KCNK10: variants seen among roughly 807,000 people sequenced by gnomAD.
KCNK10 encodes potassium two pore domain channel subfamily K member 10, also known as potassium channel subfamily K member 10.
Under a neutral mutation model 47.7 loss-of-function variants are expected in KCNK10, and 25 were observed. The observed-to-expected ratio is 0.52, with a 90% CI of 0.38 to 0.73. The LOEUF (loss-of-function observed/expected upper bound fraction) is 0.73, where lower values mean the gene tolerates loss of function less well. KCNK10 is among the 30% of genes least tolerant of loss of function. The pLI, the probability that KCNK10 is intolerant of heterozygous loss-of-function variation, is 0.00. For missense variants in KCNK10, 563 were observed against 714.5 expected, an observed-to-expected ratio of 0.79 and a Z score of 2.42; for synonymous variants, 303 against 285.6, an observed-to-expected ratio of 1.06 and a Z score of -0.61.
chr14:88,283,505 C>T (rs1487997339), intron 1 of KCNK10, among the ~76,000 whole-genome samples: 1 of 152,132 alleles, frequency 6.6e-6, no homozygotes, highest in Non-Finnish European at 1.5e-5. Context: ...CTAAAAATAT[C>T]CAACAGCAAT....
intron 3 of KCNK10, among the ~76,000 whole-genome samples, chr14:88,239,586 C>A (rs915067333): frequency 2.6e-5 from 4 of 152,140 alleles, no homozygotes; most frequent in African/African-American, 4.8e-5. Context: ...AGGCCAGGTG[C>A]GGTGGCTCAC....
chr14:88,231,093 T>A (rs1295086936), intron 3 of KCNK10, among the ~76,000 whole-genome samples: 1 of 151,900 alleles, frequency 6.6e-6, no homozygotes, highest in East Asian at 1.9e-4. Flanking sequence ...TGAACAATAT[T>A]GTGAGCCCTT....
At chr14:88,244,677 A>AG in intron 2 of KCNK10, among the ~76,000 whole-genome samples, 1 of 152,304 alleles carries the variant, frequency 6.6e-6, no homozygotes, top group East Asian at 1.9e-4. Context: ...CAAAAAAAAA[A>AG]AGAAAAAATT....
At chr14:88,259,331 A>G (rs1396434098) in intron 2 of KCNK10, among the ~76,000 whole-genome samples, 1 of 152,244 alleles carries the variant, frequency 6.6e-6, no homozygotes, top group East Asian at 1.9e-4. Context: ...AAGACTGTAG[A>G]TAAACACAAG....
intron 1 of KCNK10, among the ~76,000 whole-genome samples, chr14:88,296,824 A>G (rs1016623599): frequency 6.6e-6 from 1 of 152,244 alleles, no homozygotes; most frequent in Non-Finnish European, 1.5e-5. Context: ...GTGAACTCCA[A>G]ATAGGACCAT....
chr14:88,304,222 G>A (rs1888163148), intron 1 of KCNK10, among the ~76,000 whole-genome samples: 1 of 152,020 alleles, frequency 6.6e-6, no homozygotes, highest in Admixed American at 6.5e-5. Flanking sequence ...GGCTGGGGCG[G>A]GAGGATCACT....
chr14:88,229,228 T>G (rs1886082559), intron 3 of KCNK10, among the ~76,000 whole-genome samples: 1 of 152,120 alleles, frequency 6.6e-6, no homozygotes, highest in Non-Finnish European at 1.5e-5. Flanking sequence ...TCCTGACAAG[T>G]GCTACACCCC....
At chr14:88,300,381 A>G (rs1161291040) in intron 1 of KCNK10, among the ~76,000 whole-genome samples, 1 of 152,220 alleles carries the variant, frequency 6.6e-6, no homozygotes, top group Admixed American at 6.5e-5. Context: ...TGTATGTTTC[A>G]TCACTCCAAT....
chr14:88,314,116 C>T (rs1888380926), intron 1 of KCNK10, among the ~76,000 whole-genome samples: 1 of 152,204 alleles, frequency 6.6e-6, no homozygotes, highest in Non-Finnish European at 1.5e-5. Context: ...TGGCCAAGTT[C>T]ACACAGTGTT....
chr14:88,269,757 C>T (rs1032470827), intron 1 of KCNK10, among the ~76,000 whole-genome samples: 36 of 152,212 alleles, frequency 2.4e-4, no homozygotes, highest in African/African-American at 7.9e-4. Flanking sequence ...TTTTTATCTT[C>T]GCCAAACCTT....
chr14:88,203,579 T>C (rs1885170990), intron 4 of KCNK10, among the ~76,000 whole-genome samples: 1 of 152,162 alleles, frequency 6.6e-6, no homozygotes, highest in South Asian at 2.1e-4. Context: ...CATTCCTAAA[T>C]CTTAAAAGTC....
intron 2 of KCNK10, among the ~76,000 whole-genome samples, chr14:88,258,449 C>T (rs180800421): frequency 1.3e-5 from 2 of 152,242 alleles, no homozygotes; most frequent in African/African-American, 4.8e-5. Flanking sequence ...TGCCACCACG[C>T]CCAGCTAATT....
intron 6 of KCNK10, 111 bp downstream of exon 6, chr14:88,187,856 C>T: frequency 8.6e-7 from 1 of 1,156,446 alleles, no homozygotes; most frequent in Non-Finnish European, 1.3e-6. Context: ...CCCCCGCTCC[C>T]CCTGCAAAAC....
intron 3 of KCNK10, among the ~76,000 whole-genome samples, chr14:88,230,273 A>G (rs1886120096): frequency 6.6e-6 from 1 of 152,166 alleles, no homozygotes; most frequent in South Asian, 2.1e-4. Flanking sequence ...TCTTCCCTCC[A>G]GAAACTTCAC....
At chr14:88,276,199 T>C (rs1215155054) in intron 1 of KCNK10, among the ~76,000 whole-genome samples, 1 of 151,750 alleles carries the variant, frequency 6.6e-6, no homozygotes, top group Admixed American at 6.6e-5. Flanking sequence ...GTGGGGGCTT[T>C]GGGGGGTGAT....
At chr14:88,303,043 G>A (rs1888135100) in intron 1 of KCNK10, among the ~76,000 whole-genome samples, 1 of 152,142 alleles carries the variant, frequency 6.6e-6, no homozygotes, top group South Asian at 2.1e-4. Context: ...TTTAAGAAAT[G>A]TGCATGGGGC....
intron 3 of KCNK10, among the ~76,000 whole-genome samples, chr14:88,239,409 A>C (rs900349647): frequency 1.3e-5 from 2 of 152,236 alleles, no homozygotes; most frequent in African/African-American, 4.8e-5. Flanking sequence ...CATATAAGAG[A>C]AACATAAGCA....
intron 2 of KCNK10, 27 bp downstream of exon 2, chr14:88,263,175 C>T (rs775985053): frequency 2.5e-6 from 4 of 1,582,634 alleles, no homozygotes; most frequent in Non-Finnish European, 3.5e-6. Context: ...CACCAGCTGG[C>T]CTAAGATGGA....
At chr14:88,275,031 T>C (rs1187302943) in intron 1 of KCNK10, among the ~76,000 whole-genome samples, 1 of 152,116 alleles carries the variant, frequency 6.6e-6, no homozygotes, top group Non-Finnish European at 1.5e-5. Flanking sequence ...GCTGAAGATC[T>C]GAAGACTCCC....
Sources: allele counts gnomAD v4.1 joint callset (sites outside exome capture counted in the v4.1 genomes callset), GRCh38; gene constraint gnomAD v4.1.1; transcripts MANE v1.5; gene names NCBI Gene and HGNC (gene_info 2026-07-23, HGNC 2026-07-21).